Variants in GOLM1 observed in about 807,000 individuals in gnomAD.
The protein encoded by GOLM1 is epididymis luminal protein 46.
GOLM1 carries 31 observed loss-of-function variants against 50.5 expected under a neutral mutation model. The observed-to-expected ratio is 0.61, with a 90% confidence interval of 0.46 to 0.83. GOLM1 has a LOEUF of 0.83. Ranked by LOEUF, GOLM1 falls within the 40% of genes least tolerant of loss-of-function variation. GOLM1 has a pLI of 0.00. For synonymous variants in GOLM1, 178 were observed against 192.8 expected, an observed-to-expected ratio of 0.92 and a Z score of 0.64; for missense variants, 491 against 501.3, an observed-to-expected ratio of 0.98 and a Z score of 0.20.
At chr9:86,058,088 C>A (rs192643118) in intron 3 of GOLM1, among the ~76,000 whole-genome samples, 3 of 152,208 alleles carry the variant, frequency 2.0e-5, no homozygotes. Context: ...TCTTAGTAAC[C>A]TAGGAATGAC....
At chr9:86,087,334 G>C (rs1835007962) in intron 1 of GOLM1, among the ~76,000 whole-genome samples, 1 of 152,210 alleles carries the variant, frequency 6.6e-6, no homozygotes, top group Non-Finnish European at 1.5e-5. Context: ...ATCAGCTTAA[G>C]GAGATTTTAG....
intron 6 of GOLM1, 152 bp from the exon 7 acceptor site, chr9:86,036,659 C>A: frequency 1.4e-6 from 1 of 721,650 alleles, no homozygotes; most frequent in South Asian, 1.9e-5. Context: ...TCTGGTCACG[C>A]CCTGGTCATG....
chr9:86,075,289 C>G (rs1228182857), intron 3 of GOLM1, among the ~76,000 whole-genome samples: 1 of 152,220 alleles, frequency 6.6e-6, no homozygotes, highest in Non-Finnish European at 1.5e-5. Flanking sequence ...AAAGTCCATA[C>G]AGAAAGAGAT....
At chr9:86,098,043 ATTTCTTTCG>A (rs898922295) in intron 1 of GOLM1, among the ~76,000 whole-genome samples, 1 of 151,978 alleles carries the variant, frequency 6.6e-6, no homozygotes, top group Non-Finnish European at 1.5e-5. Flanking sequence ...CTTTCCTCTC[ATTTCTTTCG>A]TTTTCCTGTA....
At chr9:86,078,696 C>T (rs6559898) in intron 2 of GOLM1, among the ~76,000 whole-genome samples, 49,549 of 152,008 alleles carry the variant, frequency 0.33, 9,955 homozygotes, top group East Asian at 0.58. Flanking sequence ...CTCAGCACTG[C>T]ACCTGACCCA....
At chr9:86,055,565 A>T (rs1833961071) in intron 3 of GOLM1, among the ~76,000 whole-genome samples, 1 of 152,246 alleles carries the variant, frequency 6.6e-6, no homozygotes, top group East Asian at 1.9e-4. Flanking sequence ...TGAATGGATA[A>T]GCAAAATGTG....
intron 1 of GOLM1, among the ~76,000 whole-genome samples, chr9:86,089,166 C>A (rs1479372087): frequency 1.3e-5 from 2 of 152,146 alleles, no homozygotes; most frequent in Non-Finnish European, 2.9e-5. Flanking sequence ...GGTAACCTGA[C>A]TTTTTTCTCT....
chr9:86,041,675 G>A lies in GOLM1; in HGVS notation c.468-807C>T, dbSNP rs183636188. ...TGGCAAATTATCAAACTGAGGGGGT[G>A]GCGGGTAACCCTAAAGCTGTAGCCA... On this transcript the variant is annotated intron_variant, in intron 5 of 9. Transcript: ENST00000388712. Among the ~76,000 whole-genome samples the A allele has an allele frequency of 2.7e-3, 414 of 152,306 alleles. 1 individual carries two copies. Among genetic ancestry groups the A allele is most frequent in the African/African-American group, 9.7e-3 (402 of 41,558 alleles).
chr9:86,040,946 A>G (rs908849333), intron 5 of GOLM1, 78 bp from the exon 6 acceptor site: 3 of 1,400,444 alleles, frequency 2.1e-6, no homozygotes, highest in South Asian at 1.3e-5. Flanking sequence ...CACTTCCATA[A>G]GAGACACAGA....
intron 3 of GOLM1, among the ~76,000 whole-genome samples, chr9:86,058,213 A>T (rs1834046022): frequency 6.6e-6 from 1 of 152,226 alleles, no homozygotes; most frequent in Non-Finnish European, 1.5e-5. Flanking sequence ...TGTCAGTTGT[A>T]CCCGGAAATT....
chr9:86,053,679 A>T (rs879710607), intron 3 of GOLM1, among the ~76,000 whole-genome samples: 1 of 63,960 alleles, frequency 1.6e-5, no homozygotes, highest in Non-Finnish European at 6.0e-5. Flanking sequence ...ACGGCACACC[A>T]CTCCACACAC....
rs771537309 is a variant in GOLM1, at chr9:86,028,911, C to T, written c.1130-1018G>A. ...TCACCCAGGCTGGAGTGCAGTCGTG[C>T]GATCTCAGCTCACTGCAAGCTCCAC... On this transcript the variant is annotated intron_variant, in intron 9 of 9. Coordinates refer to ENST00000388712, the MANE Select transcript of GOLM1 (RefSeq NM_016548.4). 2.1e-4 allele frequency among the ~76,000 whole-genome samples: 30 copies of T among 143,010 alleles called. 1 individual carries two copies. The highest frequency in any genetic ancestry group is 4.4e-4 in the South Asian group (2 of 4,578). The allele number at this position is 143,010 out of a possible 152,430, so 93.8% of individuals were successfully genotyped here.
chr9:86,026,519 GC>G lies in GOLM1; in HGVS notation c.*1297del. 1 of 880,822 alleles carries G rather than the reference GC, an allele frequency of 1.1e-6. No homozygotes were observed. The highest frequency in any genetic ancestry group is 1.4e-6 in the Non-Finnish European group (1 of 734,490). The allele number at this position is 880,822 out of a possible 1,614,324, so 54.6% of individuals were successfully genotyped here. ...CAGCTAGATGCTCTGTAACTTCTAGGCCCCATTTTCCCCTCTGAAAATAAGA... is the reference window on the plus strand; with the variant it reads ...CAGCTAGATGCTCTGTAACTTCTAGGCCCATTTTCCCCTCTGAAAATAAGA... On this transcript the variant is annotated 3_prime_UTR_variant, in exon 10 of 10. Coordinates refer to ENST00000388712, the MANE Select transcript of GOLM1 (RefSeq NM_016548.4).
chr9:86,037,089 G>C (rs1199756290), intron 6 of GOLM1, among the ~76,000 whole-genome samples: 2 of 152,340 alleles, frequency 1.3e-5, no homozygotes, highest in Non-Finnish European at 2.9e-5. Context: ...AATAACCAGT[G>C]AGTCCAACAA....
chr9:86,097,545 A>G (rs1243290225), intron 1 of GOLM1, among the ~76,000 whole-genome samples: 3 of 152,118 alleles, frequency 2.0e-5, no homozygotes, highest in Non-Finnish European at 4.4e-5. Context: ...CCCGCCCCCA[A>G]TGGCCACCCC....
Position 86,027,341 on chromosome 9 carries a change from CAA to C in GOLM1, c.*474_*475del. On this transcript the variant is annotated 3_prime_UTR_variant, in exon 10 of 10. Transcript: ENST00000388712. ...ATTGTCAGAATCAGAAGTGACTACA[CAA>C]GAGCATTAGCCAGACTTTTCAGTGA... The C allele has an allele frequency of 2.0e-6, 2 of 987,554 alleles. No homozygotes were observed. The highest frequency in any genetic ancestry group is 1.2e-6 in the Non-Finnish European group (1 of 831,462). The allele number at this position is 987,554 out of a possible 1,614,324, so 61.2% of individuals were successfully genotyped here. A position where few individuals can be genotyped will look rare whatever the true frequency, so the allele number is the denominator to read the frequency against.
At chr9:86,043,017 G>A (rs759409524) in intron 5 of GOLM1, among the ~76,000 whole-genome samples, 4 of 152,176 alleles carry the variant, frequency 2.6e-5, no homozygotes, top group Non-Finnish European at 5.9e-5. Flanking sequence ...TATTCTAACT[G>A]GTGCAATTGA....
chr9:86,027,128 G>A lies in GOLM1; in HGVS notation c.*689C>T. On this transcript the variant is annotated 3_prime_UTR_variant, in exon 10 of 10. Transcript: ENST00000388712. ...CCACACACGAAGCAAAGTAAATAAA[G>A]ACCACAAATGTTCAAATTCTAAGCC... 3.0e-6 allele frequency: 3 copies of A among 985,232 alleles called. No homozygotes were observed. Among genetic ancestry groups the A allele is most frequent in the African/African-American group, 1.7e-5 (1 of 57,332 alleles). 61.0% of individuals were successfully genotyped at this position (985,232 alleles called of 1,614,324 possible). A position where few individuals can be genotyped will look rare whatever the true frequency, so the allele number is the denominator to read the frequency against.
intron 3 of GOLM1, among the ~76,000 whole-genome samples, chr9:86,063,854 T>C (rs1834230487): frequency 6.6e-6 from 1 of 152,204 alleles, no homozygotes. Context: ...ACCTGCAGGA[T>C]TTGGTTCTGT....
Sources: gnomAD v4.1 joint callset for allele counts (sites outside exome capture counted in the v4.1 genomes callset) on GRCh38, gnomAD v4.1.1 for gene constraint, MANE v1.5 for transcripts, NCBI Gene and HGNC (gene_info 2026-07-23, HGNC 2026-07-21) for gene names.